Variants in NADK2 observed in about 807,000 individuals in gnomAD.
The protein encoded by NADK2 is NAD kinase 2, mitochondrial, also known as NAD kinase domain-containing protein 1, mitochondrial.
NADK2 carries 35 observed loss-of-function variants against 62.1 expected under a neutral mutation model. The observed-to-expected ratio is 0.56, with a 90% CI of 0.43 to 0.75. The LOEUF (loss-of-function observed/expected upper bound fraction) is 0.75, where lower values mean the gene tolerates loss of function less well. NADK2 is among the 30% of genes least tolerant of loss of function. The pLI is 0.00. For synonymous variants in NADK2, 205 were observed against 207.9 expected (o/e 0.99, Z 0.12); for missense variants, 439 against 561.3 (o/e 0.78, Z 2.20).
chr5:36,221,260 T>C (rs1024898603), intron 4 of NADK2: 1 of 152,180 alleles, frequency 6.6e-6, no homozygotes, highest in Non-Finnish European at 1.5e-5. Flanking sequence ...GATGAGTCCA[T>C]GTGAGTGGGC....
intron 1 of NADK2, among the ~76,000 whole-genome samples, chr5:36,230,169 C>T (rs1747653491): frequency 6.6e-6 from 1 of 152,118 alleles, no homozygotes; most frequent in South Asian, 2.1e-4. Context: ...TTCCTACCAA[C>T]TCTCAGGCTT....
chr5:36,206,052 C>T (rs1174624163), intron 8 of NADK2, among the ~76,000 whole-genome samples: 1 of 151,930 alleles, frequency 6.6e-6, no homozygotes, highest in East Asian at 1.9e-4. Flanking sequence ...GACAGAAAAC[C>T]AAACACCGCA....
chr5:36,217,724 A>C lies in NADK2; in HGVS notation c.781+24T>G, dbSNP rs377120489. 1.6e-5 allele frequency: 26 copies of C among 1,613,146 alleles called. No individual in the cohort carries two copies. In the African/African-American group the frequency reaches 3.1e-4, roughly 19 times the overall value. ...CTATGAGTTAAATATTTCCCCAAAC[A>C]CATCTGATGCCCAATCCACCTACTT... is the stretch of plus-strand genomic sequence containing the variant. On this transcript the variant is annotated intron_variant, in intron 6 of 11. Coordinates refer to ENST00000381937, the MANE Select transcript of NADK2 (RefSeq NM_001085411.3).
At position 36,225,600 on chromosome 5, in the gene NADK2, C is replaced by T; in HGVS notation, c.502G>A (p.Ala168Thr). The change falls in exon 4 of 12, where the codon GCG becomes ACG. Residue 168 changes from alanine (A) to threonine (T), a missense_variant. Ala to Thr is a moderately conservative substitution (Grantham distance 58, BLOSUM62 0). Coordinates refer to ENST00000381937, the MANE Select transcript of NADK2 (RefSeq NM_001085411.3). The stretch of plus-strand genomic sequence containing the variant: ...TTAAGTCTGTCCAAGACTTTACTCG[C>T]TGCCAGCAGCATTGTGCCATCACCT... ...AGGDGTMLLA[A>T]SKVLDRLKPV... is the part of the protein sequence containing the mutation. 1 of 1,613,976 alleles carries T rather than the reference C, an allele frequency of 6.2e-7. No homozygotes were observed. Among genetic ancestry groups the T allele is most frequent in the Non-Finnish European group, 8.5e-7 (1 of 1,179,888 alleles).
chr5:36,209,854 G>A (rs906931700), intron 7 of NADK2, among the ~76,000 whole-genome samples: 3 of 152,024 alleles, frequency 2.0e-5, no homozygotes, highest in African/African-American at 7.2e-5. Context: ...CATAGCACAT[G>A]CATGAGGTAT....
chr5:36,199,746 C>A (rs924986004), intron 10 of NADK2, among the ~76,000 whole-genome samples: 2 of 151,970 alleles, frequency 1.3e-5, no homozygotes, highest in Admixed American at 1.3e-4. Context: ...ATGGAACCTA[C>A]GATTTCAGAT....
At chr5:36,219,561 A>T (rs769512177) in intron 5 of NADK2, 35 bp downstream of exon 5, 1 of 1,538,162 alleles carries the variant, frequency 6.5e-7, no homozygotes, top group South Asian at 1.1e-5. Flanking sequence ...ACTTATTAAG[A>T]TACTTACATA....
At chr5:36,212,129 G>A (rs539817847) in intron 6 of NADK2, 143 of 389,324 alleles carry the variant, frequency 3.7e-4, no homozygotes, top group Middle Eastern at 1.4e-3. Flanking sequence ...TGTAATGAAG[G>A]CCCTCTCTCT....
intron 1 of NADK2, among the ~76,000 whole-genome samples, chr5:36,235,124 T>C (rs887708797): frequency 6.6e-6 from 1 of 152,214 alleles, no homozygotes; most frequent in Non-Finnish European, 1.5e-5. Flanking sequence ...ATAGTGACAC[T>C]GTAGCAAGTA....
chr5:36,197,964 CA>C (rs1746295221), intron 10 of NADK2, among the ~76,000 whole-genome samples: 1 of 151,872 alleles, frequency 6.6e-6, no homozygotes, highest in Admixed American at 6.6e-5. Flanking sequence ...TGTAATTAAA[CA>C]ATAGAGGAAT....
Position 36,206,167 on chromosome 5 carries a change from T to C in NADK2, c.956+1003A>G, listed in dbSNP as rs576144212. ...GTGGGGTGGGAGACTGTGGGAGGGA[T>C]AGCATTAGGAGAAATACCTAATGTA... On this transcript the variant is annotated intron_variant, in intron 8 of 11. Transcript: ENST00000381937. Among the ~76,000 whole-genome samples the C allele has an allele frequency of 2.0e-5, 3 of 152,036 alleles. No homozygotes were observed. In the South Asian group the frequency reaches 6.2e-4, roughly 32 times the overall value.
At position 36,194,391 on chromosome 5, in the gene NADK2, A is replaced by G. The variant is rs1746147936; in HGVS notation, c.*753T>C. 6.6e-6 allele frequency: 1 copy of G among 152,186 alleles called. No individual in the cohort carries two copies. Among genetic ancestry groups the G allele is most frequent in the African/African-American group, 2.4e-5 (1 of 41,466 alleles). 9.4% of individuals were successfully genotyped at this position (152,186 alleles called of 1,614,324 possible). On this transcript the variant is annotated 3_prime_UTR_variant, in exon 12 of 12. Transcript: ENST00000381937. ...TGTTTGAGCATTTTAAAGATGGAAG[A>G]AACCTGTAAGACTCATATCATTTTA...
intron 4 of NADK2, among the ~76,000 whole-genome samples, chr5:36,223,176 A>T (rs1189979344): frequency 6.6e-6 from 1 of 152,124 alleles, no homozygotes; most frequent in African/African-American, 2.4e-5. Context: ...TTGTCACCCT[A>T]TTCATAGTAA....
At chr5:36,217,918 AAATAG>A (rs1747109734) in intron 5 of NADK2, 34 bp from the exon 6 acceptor site, 2 of 1,584,884 alleles carry the variant, frequency 1.3e-6, no homozygotes, top group African/African-American at 2.7e-5. Context: ...AATTATGTTA[AAATAG>A]AATAAATTAA....
intron 4 of NADK2, among the ~76,000 whole-genome samples, chr5:36,224,661 A>G (rs545039183): frequency 6.6e-6 from 1 of 152,280 alleles, no homozygotes; most frequent in African/African-American, 2.4e-5. Flanking sequence ...CAAAATACTG[A>G]AAGTCAAAGG....
At position 36,197,612 on chromosome 5, in the gene NADK2, T is replaced by A; in HGVS notation, c.1119A>T (p.Ile373=). 6.2e-7 allele frequency: 1 copy of A among 1,611,404 alleles called. No individual in the cohort carries two copies. Among genetic ancestry groups the A allele is most frequent in the African/African-American group, 1.3e-5 (1 of 74,886 alleles). Residue 373 remains isoleucine (I), a synonymous_variant, in exon 11 of 12, where the codon ATA becomes ATT. Coordinates refer to ENST00000381937, the MANE Select transcript of NADK2 (RefSeq NM_001085411.3). ...CTATTGGTTCTCGAATACTGAAAAG[T>A]ATTTTTGGTTCTTCCGGACTGTAGA... The part of the protein sequence containing the change: ...SLLYSPEEPK[I]LFSIREPIAN...
At chr5:36,228,713 G>T (rs11747546) in intron 1 of NADK2, among the ~76,000 whole-genome samples, 45,487 of 151,254 alleles carry the variant, frequency 0.3, 8,036 homozygotes, top group South Asian at 0.45. Context: ...CTGCCTCCCG[G>T]ACTCAAGCCG....
At position 36,227,561 on chromosome 5, in the gene NADK2, G is replaced by T; in HGVS notation, c.305C>A (p.Ala102Glu). The T allele has an allele frequency of 6.6e-7, 1 of 1,526,644 alleles. No individual in the cohort carries two copies. The highest frequency in any genetic ancestry group is 8.8e-7 in the Non-Finnish European group (1 of 1,135,056). 94.6% of individuals were successfully genotyped at this position (1,526,644 alleles called of 1,614,324 possible). A position where few individuals can be genotyped will look rare whatever the true frequency, so the allele number is the denominator to read the frequency against. The change falls in exon 2 of 12, where the codon GCA becomes GAA. Residue 102 changes from alanine (A) to glutamate (E), a missense_variant. Ala to Glu is a moderately radical substitution (Grantham distance 107, BLOSUM62 -1). Coordinates refer to ENST00000381937, the MANE Select transcript of NADK2 (RefSeq NM_001085411.3). ...TCCACTGTAACTAGAGCCTTTCAAT[G>T]CAAGCTATATCAAAACAAAAGAAAC... ...LSEEDLKQLL[A>E]LKGSSYSGLL... is the part of the protein sequence containing the mutation.
At chr5:36,234,176 C>G (rs902757759) in intron 1 of NADK2, among the ~76,000 whole-genome samples, 1 of 151,544 alleles carries the variant, frequency 6.6e-6, no homozygotes, top group Non-Finnish European at 1.5e-5. Context: ...AGATCGAGAC[C>G]ATCCTGGCTA....
Sources: gnomAD v4.1 joint callset for allele counts (sites outside exome capture counted in the v4.1 genomes callset) on GRCh38, gnomAD v4.1.1 for gene constraint, MANE v1.5 for transcripts, NCBI Gene and HGNC (gene_info 2026-07-23, HGNC 2026-07-21) for gene names.